The following KAZN variants were observed in gnomAD, a reference collection of about 807,000 sequenced individuals.
The protein encoded by KAZN is kazrin.
KAZN carries 40 observed loss-of-function variants against 87.4 expected under a neutral mutation model. The ratio of observed to expected loss-of-function variants is 0.46; its 90% confidence interval spans 0.36 to 0.60. KAZN has a LOEUF of 0.60. KAZN is among the 20% of genes least tolerant of loss of function. The pLI is 0.00. For missense variants in KAZN, 898 were observed against 1,073.9 expected (o/e 0.84, Z 2.29); for synonymous variants, 466 against 458.3 (o/e 1.02, Z -0.22).
intron 1 of KAZN, among the ~76,000 whole-genome samples, chr1:13,985,814 A>G (rs1318382631): frequency 6.6e-6 from 1 of 152,198 alleles, no homozygotes. Flanking sequence ...TTCACTTAGC[A>G]TAATGCTTTC....
At chr1:14,806,757 C>T (rs1425487586) in intron 1 of KAZN, among the ~76,000 whole-genome samples, 1 of 152,166 alleles carries the variant, frequency 6.6e-6, no homozygotes, top group Admixed American at 6.5e-5. Flanking sequence ...TTGAGAGGGG[C>T]TTATTGGCAC....
At chr1:14,266,039 C>T (rs2100665444) in intron 2 of KAZN, among the ~76,000 whole-genome samples, 1 of 152,144 alleles carries the variant, frequency 6.6e-6, no homozygotes, top group Middle Eastern at 3.4e-3. Context: ...AGCTTTGTTT[C>T]TCTCATTGCC....
At position 15,001,205 on chromosome 1, in the gene KAZN, T is replaced by A. The variant is rs7529277; in HGVS notation, c.419-33544T>A. Reference sequence around the variant, plus strand: ...GCCTGGGCGTGGTGGTTCACGCCTGTAATCCCAGCACTTTGGGAGGCTGAC... The same window carrying A: ...GCCTGGGCGTGGTGGTTCACGCCTGAAATCCCAGCACTTTGGGAGGCTGAC... On this transcript the variant is annotated intron_variant, in intron 2 of 14. Transcript: ENST00000376030. Among the ~76,000 whole-genome samples the A allele has an allele frequency of 2.7e-3, 416 of 151,810 alleles. 1 individual carries two copies. The highest frequency in any genetic ancestry group is 9.4e-3 in the African/African-American group (388 of 41,350).
chr1:13,994,037 C>T (rs192172666), intron 1 of KAZN, among the ~76,000 whole-genome samples: 3 of 152,306 alleles, frequency 2.0e-5, no homozygotes, highest in South Asian at 4.1e-4. Flanking sequence ...AAAAGGACCT[C>T]GTTCCACTGT....
chr1:14,877,796 T>C (rs1652933053), intron 1 of KAZN, among the ~76,000 whole-genome samples: 2 of 152,366 alleles, frequency 1.3e-5, no homozygotes, highest in Admixed American at 6.5e-5. Context: ...AGTTATGGAA[T>C]AAATGATCAG....
chr1:14,046,218 A>G (rs1642065968), intron 1 of KAZN, among the ~76,000 whole-genome samples: 1 of 152,172 alleles, frequency 6.6e-6, no homozygotes, highest in Non-Finnish European at 1.5e-5. Flanking sequence ...TTTCAATATG[A>G]CACACTCTCT....
chr1:14,510,238 C>T (rs1474861129), intron 2 of KAZN, among the ~76,000 whole-genome samples: 2 of 151,964 alleles, frequency 1.3e-5, no homozygotes, highest in East Asian at 1.9e-4. Flanking sequence ...ATTAGCCAGG[C>T]GTGGTGGCAT....
chr1:15,045,748 C>T (rs1673412119), intron 4 of KAZN, among the ~76,000 whole-genome samples: 1 of 152,172 alleles, frequency 6.6e-6, no homozygotes, highest in Non-Finnish European at 1.5e-5. Context: ...AACAAGGCAC[C>T]TTCTTTACAG....
At chr1:14,365,423 C>G (rs76719920) in intron 2 of KAZN, among the ~76,000 whole-genome samples, 7,925 of 151,136 alleles carry the variant, frequency 0.052, 717 homozygotes, top group African/African-American at 0.18. Flanking sequence ...AGGGCCCACC[C>G]TACTCCAGCA....
At chr1:14,942,948 C>T (rs1661262717) in intron 1 of KAZN, among the ~76,000 whole-genome samples, 1 of 150,290 alleles carries the variant, frequency 6.7e-6, no homozygotes, top group African/African-American at 2.5e-5. Context: ...TTCTGTCTTC[C>T]TGCTTGTTGT....
chr1:13,893,383 A>T, exon 1 of KAZN: 1 of 304,706 alleles, frequency 3.3e-6, no homozygotes, highest in Non-Finnish European at 5.9e-6. Flanking sequence ...ACTCCTGGTT[A>T]GGGGGAAACT....
chr1:14,152,184 T>A (rs1360765551), intron 1 of KAZN, among the ~76,000 whole-genome samples: 4 of 152,222 alleles, frequency 2.6e-5, no homozygotes, highest in African/African-American at 9.6e-5. Flanking sequence ...ACAATTCAAT[T>A]ATACTCTTTG....
chr1:14,424,263 A>G (rs1424642939), intron 2 of KAZN, among the ~76,000 whole-genome samples: 1 of 152,226 alleles, frequency 6.6e-6, no homozygotes, highest in African/African-American at 2.4e-5. Flanking sequence ...TCGTAGTCTC[A>G]TGATCATTAC....
At chr1:15,036,298 C>A (rs1672290581) in intron 3 of KAZN, among the ~76,000 whole-genome samples, 1 of 145,112 alleles carries the variant, frequency 6.9e-6, no homozygotes, top group South Asian at 2.3e-4. Context: ...CTCTGCCCTG[C>A]CCGCCCAGCT....
intron 2 of KAZN, among the ~76,000 whole-genome samples, chr1:14,489,262 CTCTATATA>C (rs772288478): frequency 1.4e-5 from 2 of 146,756 alleles, no homozygotes; most frequent in Middle Eastern, 3.5e-3. Context: ...CATTTTGGGA[CTCTATATA>C]TCTATTATAC....
At chr1:15,012,976 A>G (rs1208342098) in intron 2 of KAZN, among the ~76,000 whole-genome samples, 2 of 152,182 alleles carry the variant, frequency 1.3e-5, no homozygotes, top group Admixed American at 6.5e-5. Flanking sequence ...CCAAGGCACC[A>G]GGCGTGGTCC....
At chr1:15,043,041 C>T (rs925195281) in intron 3 of KAZN, among the ~76,000 whole-genome samples, 1 of 152,192 alleles carries the variant, frequency 6.6e-6, no homozygotes, top group Non-Finnish European at 1.5e-5. Context: ...CTGGCACAGC[C>T]GGGGCCTGGC....
chr1:14,563,043 GC>G (rs1457154224), intron 2 of KAZN, among the ~76,000 whole-genome samples: 3 of 152,224 alleles, frequency 2.0e-5, no homozygotes, highest in African/African-American at 7.2e-5. Context: ...ACCAGGATGA[GC>G]TGTCAAATCA....
chr1:14,163,971 G>A (rs184018045), intron 1 of KAZN, among the ~76,000 whole-genome samples: 105 of 152,212 alleles, frequency 6.9e-4, no homozygotes, highest in Middle Eastern at 3.4e-3. Flanking sequence ...ATCTTCTGAG[G>A]GTACTTTAGG....
Sources: gnomAD v4.1 joint callset for allele counts (sites outside exome capture counted in the v4.1 genomes callset) on GRCh38, gnomAD v4.1.1 for gene constraint, MANE v1.5 for transcripts, NCBI Gene and HGNC (gene_info 2026-07-23, HGNC 2026-07-21) for gene names.